The following RAPH1 variants were observed in gnomAD, a reference collection of about 807,000 sequenced individuals.
The protein encoded by RAPH1 is Ras association (RalGDS/AF-6) and pleckstrin homology domains 1, also known as ras-associated and pleckstrin homology domains-containing protein 1.
RAPH1 carries 18 observed loss-of-function variants against 88.1 expected under a neutral mutation model. The ratio of observed to expected loss-of-function variants is 0.20; its 90% CI spans 0.14 to 0.30. RAPH1 has a LOEUF of 0.30. Among genes scored for constraint, RAPH1 ranks in the 10% least tolerant of loss-of-function variants. The pLI is 1.00. For synonymous variants in RAPH1, 587 were observed against 559.0 expected (o/e 1.05, Z -0.71); for missense variants, 1,448 against 1,543.2 (o/e 0.94, Z 1.03).
intron 1 of RAPH1, among the ~76,000 whole-genome samples, chr2:203,499,997 T>A (rs1460275822): frequency 6.6e-6 from 1 of 152,162 alleles, no homozygotes; most frequent in East Asian, 1.9e-4. Flanking sequence ...CAGAGTGCTA[T>A]CAGAGCCATT....
At chr2:203,445,266 A>C (rs1265304172) in intron 12 of RAPH1, 2 of 371,644 alleles carry the variant, frequency 5.4e-6, no homozygotes, top group Non-Finnish European at 9.6e-6. Context: ...TGATTCACAT[A>C]ACATTATTGG....
At position 203,439,336 on chromosome 2, in the gene RAPH1, A is replaced by G; in HGVS notation, c.*101T>C. 9.2e-7 allele frequency: 1 copy of G among 1,082,280 alleles called. No homozygotes were observed. The highest frequency in any genetic ancestry group is 1.4e-6 in the Non-Finnish European group (1 of 731,888). The allele number at this position is 1,082,280 out of a possible 1,614,324, so 67.0% of individuals were successfully genotyped here. A position where few individuals can be genotyped will look rare whatever the true frequency, so the allele number is the denominator to read the frequency against. On this transcript the variant is annotated 3_prime_UTR_variant, in exon 14 of 14. Coordinates refer to ENST00000319170, the MANE Select transcript of RAPH1 (RefSeq NM_213589.3). ...CATATAGCTGGACACTACCTGAATA[A>G]CATCATACCAGGAGGCTCTGAACAC...
At chr2:203,494,841 A>C (rs1044295364) in intron 2 of RAPH1, among the ~76,000 whole-genome samples, 5 of 151,812 alleles carry the variant, frequency 3.3e-5, no homozygotes, top group African/African-American at 1.2e-4. Context: ...AAAAAGAAAA[A>C]CAGAAAATAT....
intron 4 of RAPH1, among the ~76,000 whole-genome samples, chr2:203,482,668 T>C (rs1470300945): frequency 1.3e-5 from 2 of 152,130 alleles, no homozygotes; most frequent in South Asian, 2.1e-4. Context: ...ATGGGCATGA[T>C]ATTGTATGCC....
intron 4 of RAPH1, among the ~76,000 whole-genome samples, chr2:203,463,771 TAAAC>T (rs1346372601): frequency 1.3e-5 from 2 of 152,150 alleles, no homozygotes; most frequent in South Asian, 2.1e-4. Flanking sequence ...TTTATGCAAA[TAAAC>T]AAATAGCAGA....
chr2:203,522,895 C>CAAAAAAAAAAAAAAAA (rs59862473), intron 1 of RAPH1, among the ~76,000 whole-genome samples: 1 of 85,842 alleles, frequency 1.2e-5, no homozygotes, highest in Non-Finnish European at 2.2e-5. Context: ...GACTCTGTCT[C>CAAAAAAAAAAAAAAAA]AAAAAAAAAA....
Position 203,434,056 on chromosome 2 carries a change from C to CTATCTATCTATATATATATA in RAPH1, c.*5380_*5381insTATATATATATAGATAGATA, listed in dbSNP as rs1488308709. The CTATCTATCTATATATATATA allele has an allele frequency of 6.2e-5, 9 of 145,646 alleles. No homozygotes were observed. The highest frequency in any genetic ancestry group is 2.3e-4 in the African/African-American group (9 of 39,222). 9.0% of individuals were successfully genotyped at this position (145,646 alleles called of 1,614,324 possible). Reference sequence around the variant, plus strand: ...CTCTCTCATATATCTATCTATCTATCTATATATATATATATATATATATAG... The same window carrying CTATCTATCTATATATATATA: ...CTCTCTCATATATCTATCTATCTATCTATCTATCTATATATATATATATATATATATATATATATATATAG... On this transcript the variant is annotated 3_prime_UTR_variant, in exon 14 of 14. Transcript: ENST00000319170.
rs1163290290 is a variant in RAPH1 at position 203,495,368 on chromosome 2, T to C, written c.1-15A>G. 1.2e-6 allele frequency: 2 copies of C among 1,613,516 alleles called. No individual in the cohort carries two copies. Among genetic ancestry groups the C allele is most frequent in the East Asian group, 2.2e-5 (1 of 44,872 alleles). ...AGCTGCTCCATCTGAAATACAGACA[T>C]TTGTGTAGAATGAATAGTAAGTTAC... On this transcript the variant is annotated splice_polypyrimidine_tract_variant and intron_variant, in intron 1 of 13. Transcript: ENST00000319170.
At chr2:203,510,201 C>A (rs964400410) in intron 1 of RAPH1, among the ~76,000 whole-genome samples, 2 of 151,664 alleles carry the variant, frequency 1.3e-5, no homozygotes, top group African/African-American at 4.8e-5. Context: ...TTAATACTGT[C>A]GGCGCCTGCC....
At chr2:203,458,389 A>C (rs2098521571) in intron 7 of RAPH1, among the ~76,000 whole-genome samples, 1 of 152,038 alleles carries the variant, frequency 6.6e-6, no homozygotes, top group South Asian at 2.1e-4. Flanking sequence ...AACAAACAAA[A>C]AAATCAAACT....
At chr2:203,478,439 A>G (rs1687569608) in intron 4 of RAPH1, among the ~76,000 whole-genome samples, 1 of 151,536 alleles carries the variant, frequency 6.6e-6, no homozygotes, top group East Asian at 2.0e-4. Flanking sequence ...CCTCCCCTCC[A>G]TCCCTCCATA....
At chr2:203,475,873 A>G (rs1297186813) in intron 4 of RAPH1, among the ~76,000 whole-genome samples, 1 of 151,898 alleles carries the variant, frequency 6.6e-6, no homozygotes, top group Non-Finnish European at 1.5e-5. Flanking sequence ...GCATTTACAT[A>G]CTAAAACAGA....
intron 1 of RAPH1, among the ~76,000 whole-genome samples, chr2:203,496,369 T>TAAATAAAATA (rs3085939): frequency 1.3e-5 from 2 of 151,254 alleles, no homozygotes; most frequent in Non-Finnish European, 3.0e-5. Flanking sequence ...AAAAAATAAA[T>TAAATAAAATA]AAATAAAATA....
rs2098498271 is a variant in RAPH1, at chr2:203,436,110, T to G, written c.*3327A>C. On this transcript the variant is annotated 3_prime_UTR_variant, in exon 14 of 14. Coordinates refer to ENST00000319170, the MANE Select transcript of RAPH1 (RefSeq NM_213589.3). ...TAAACTCAGCGTTGTTTGTTTTCAG[T>G]GACAAGAAAACATACATGGAAAGGG... 1 of 152,162 alleles carries G rather than the reference T, an allele frequency of 6.6e-6. No homozygotes were observed. The highest frequency in any genetic ancestry group is 2.4e-5 in the African/African-American group (1 of 41,424). The allele number at this position is 152,162 out of a possible 1,614,324, so 9.4% of individuals were successfully genotyped here.
chr2:203,526,375 T>C (rs1690113876), intron 1 of RAPH1, among the ~76,000 whole-genome samples: 2 of 152,144 alleles, frequency 1.3e-5, no homozygotes, highest in African/African-American at 4.8e-5. Flanking sequence ...ACTTTCCAAT[T>C]AGTATTAGAA....
rs1248577289 is a variant in RAPH1, at chr2:203,448,137, A to T, written c.1513-58T>A. The T allele has an allele frequency of 6.5e-7, 1 of 1,527,404 alleles. No homozygotes were observed. The highest frequency in any genetic ancestry group is 1.4e-5 in the African/African-American group (1 of 72,808). 94.6% of individuals were successfully genotyped at this position (1,527,404 alleles called of 1,614,324 possible). The stretch of plus-strand genomic sequence containing the variant: ...ACTTTACTGAGTATGATACAGAAGG[A>T]TAAGGTGAAATGGGGGACATATTTC... On this transcript the variant is annotated intron_variant, in intron 11 of 13. Transcript: ENST00000319170. This position sits in a 1 kb window ranked among gnomAD's most constrained non-coding sequence, Gnocchi z 4.1.
In RAPH1 at chr2:203,439,406, C is replaced by T; in HGVS notation, c.*31G>A. ...GGTGAGCTGATTGTAGCAGTGATTA[C>T]AGATATCATGAAAATAAAGTCCTAT... On this transcript the variant is annotated 3_prime_UTR_variant, in exon 14 of 14. Coordinates refer to ENST00000319170, the MANE Select transcript of RAPH1 (RefSeq NM_213589.3). 1 of 1,596,938 alleles carries T rather than the reference C, an allele frequency of 6.3e-7. No homozygotes were observed. Among genetic ancestry groups the T allele is most frequent in the Non-Finnish European group, 8.6e-7 (1 of 1,167,752 alleles).
chr2:203,479,326 G>C (rs774667484), intron 4 of RAPH1, among the ~76,000 whole-genome samples: 1 of 152,168 alleles, frequency 6.6e-6, no homozygotes. Flanking sequence ...AATCTGGGCT[G>C]GGCACGGTGG....
chr2:203,524,101 A>C (rs1221601576), intron 1 of RAPH1, among the ~76,000 whole-genome samples: 2 of 152,206 alleles, frequency 1.3e-5, no homozygotes, highest in East Asian at 3.8e-4. Flanking sequence ...AATAATTGTT[A>C]AACTAAATTT....
Sources: gnomAD v4.1 joint callset for allele counts (sites outside exome capture counted in the v4.1 genomes callset) on GRCh38, gnomAD v4.1.1 for gene constraint, Gnocchi (gnomAD v3.1) non-coding constraint, MANE v1.5 for transcripts, NCBI Gene and HGNC (gene_info 2026-07-23, HGNC 2026-07-21) for gene names.